The following CELA1 variants were observed in gnomAD, a reference collection of about 807,000 sequenced individuals.
CELA1 encodes the protein chymotrypsin-like elastase family member 1.
Under a neutral mutation model 34.8 loss-of-function variants are expected in CELA1, and 28 were observed. The observed-to-expected ratio is 0.80, with a 90% CI of 0.60 to 1.10. The LOEUF (loss-of-function observed/expected upper bound fraction) is 1.10, where lower values mean the gene tolerates loss of function less well. CELA1 is among the 50% of genes least tolerant of loss of function. CELA1 has a pLI of 0.00. For missense variants in CELA1, 288 were observed against 327.5 expected (o/e 0.88, Z 0.93); for synonymous variants, 140 against 129.8 (o/e 1.08, Z -0.53).
intron 6 of CELA1, among the ~76,000 whole-genome samples, chr12:51,335,783 C>T (rs145273415): frequency 6.6e-6 from 1 of 152,110 alleles, no homozygotes; most frequent in East Asian, 1.9e-4. Flanking sequence ...GTTACAGGTG[C>T]ACGCCACCAC....
intron 6 of CELA1, among the ~76,000 whole-genome samples, chr12:51,336,345 T>A (rs1364075034): frequency 6.6e-6 from 1 of 152,180 alleles, no homozygotes; most frequent in Non-Finnish European, 1.5e-5. Flanking sequence ...GGCCCCACTT[T>A]TTCTATCTAA....
intron 6 of CELA1, among the ~76,000 whole-genome samples, 183 bp from the exon 7 acceptor site, chr12:51,330,016 C>T (rs944814460): frequency 6.6e-6 from 1 of 152,086 alleles, no homozygotes; most frequent in African/African-American, 2.4e-5. Context: ...AACCACAATA[C>T]TTCTTCTCTT....
At chr12:51,332,850 C>T (rs1946478092) in intron 6 of CELA1, among the ~76,000 whole-genome samples, 1 of 152,080 alleles carries the variant, frequency 6.6e-6, no homozygotes, top group Non-Finnish European at 1.5e-5. Context: ...CAGAGCAAGA[C>T]TCTGTCTCAA....
chr12:51,345,834 G>T lies in CELA1; in HGVS notation c.60C>A (p.Val20=). The T allele has an allele frequency of 1.9e-6, 3 of 1,559,568 alleles. No homozygotes were observed. The highest frequency in any genetic ancestry group is 1.4e-5 in the African/African-American group (1 of 73,656). Residue 20 remains valine, a synonymous_variant, in exon 2 of 8, where the codon GTC becomes GTA. Transcript: ENST00000293636. ...AATTCCTCCCGGCCTCAGTCCCTCC[G>T]ACTACGCGGGCATTGGTTTCCGGAA... ...QDLPETNARV[V]GGTEAGRNSW... is the part of the protein sequence containing the mutation.
intron 6 of CELA1, among the ~76,000 whole-genome samples, chr12:51,333,838 T>C (rs545051586): frequency 6.6e-6 from 1 of 152,358 alleles, no homozygotes; most frequent in East Asian, 1.9e-4. Context: ...TTTCAGGGGC[T>C]AGAGGAATGA....
chr12:51,333,489 G>A (rs1432552880), intron 6 of CELA1, among the ~76,000 whole-genome samples: 1 of 151,670 alleles, frequency 6.6e-6, no homozygotes, highest in Non-Finnish European at 1.5e-5. Flanking sequence ...AATCTCCTGG[G>A]CTCAAGCAGT....
intron 5 of CELA1, 85 bp downstream of exon 5, chr12:51,341,159 C>G (rs1038021126): frequency 7.5e-6 from 11 of 1,473,196 alleles, no homozygotes; most frequent in Non-Finnish European, 9.5e-6. Flanking sequence ...CCATAAGCAC[C>G]TAGGACCACA....
At chr12:51,334,857 T>C (rs1946492391) in intron 6 of CELA1, among the ~76,000 whole-genome samples, 1 of 152,284 alleles carries the variant, frequency 6.6e-6, no homozygotes, top group East Asian at 1.9e-4. Flanking sequence ...GAAACCGTCT[T>C]TGAGTAAAAC....
intron 6 of CELA1, among the ~76,000 whole-genome samples, chr12:51,338,298 G>T (rs56081886): frequency 4.9e-4 from 15 of 30,750 alleles, no homozygotes; most frequent in South Asian, 2.2e-3. Context: ...ATACACATAC[G>T]CATACATATA....
At chr12:51,336,522 G>A (rs1240037024) in intron 6 of CELA1, among the ~76,000 whole-genome samples, 2 of 152,194 alleles carry the variant, frequency 1.3e-5, no homozygotes, top group African/African-American at 2.4e-5. Flanking sequence ...GGCTACTTAG[G>A]AACCTGAGGT....
intron 4 of CELA1, among the ~76,000 whole-genome samples, chr12:51,342,244 A>G (rs1592298667): frequency 6.6e-6 from 1 of 152,010 alleles, no homozygotes; most frequent in Admixed American, 6.5e-5. Context: ...CATATTGGTC[A>G]GGCTGGTCTC....
intron 5 of CELA1, 151 bp from the exon 6 acceptor site, chr12:51,340,156 CTT>C: frequency 1.5e-6 from 1 of 688,742 alleles, no homozygotes. Flanking sequence ...GATCCTCTGT[CTT>C]CTCTCTTTAT....
chr12:51,330,862 C>G (rs911015323), intron 6 of CELA1, among the ~76,000 whole-genome samples: 1 of 147,014 alleles, frequency 6.8e-6, no homozygotes, highest in Non-Finnish European at 1.5e-5. Context: ...CCCAGCTACT[C>G]GGGAGGCTGA....
At chr12:51,329,546 G>A (rs17860365) in intron 7 of CELA1, 138 bp downstream of exon 7, 26 of 889,558 alleles carry the variant, frequency 2.9e-5, no homozygotes, top group African/African-American at 5.1e-5. Flanking sequence ...ACCGTGGAAG[G>A]AAGGGAAGGG....
At chr12:51,340,673 G>C (rs1433852942) in intron 5 of CELA1, among the ~76,000 whole-genome samples, 1 of 152,014 alleles carries the variant, frequency 6.6e-6, no homozygotes, top group Non-Finnish European at 1.5e-5. Flanking sequence ...CTCAGCTAAG[G>C]ATCCTTAATT....
chr12:51,345,393 CGT>C lies in CELA1; in HGVS notation c.99+400_99+401del, dbSNP rs149535487. ...ATAGCCAACTAAGCAGCATGCTGTA[CGT>C]GTGTGTGTGTGTGTGTGCGCGCACA... On this transcript the variant is annotated intron_variant, in intron 2 of 7. Transcript: ENST00000293636. Among the ~76,000 whole-genome samples, 1,010 of 150,474 alleles carry C rather than the reference CGT, an allele frequency of 6.7e-3. 10 individuals carry two copies. Among genetic ancestry groups the C allele is most frequent in the African/African-American group, 0.022 (908 of 41,212 alleles).
intron 3 of CELA1, 50 bp downstream of exon 3, chr12:51,343,703 G>T: frequency 8.9e-7 from 1 of 1,119,614 alleles, no homozygotes; most frequent in Non-Finnish European, 1.4e-6. Context: ...CAGAAGGTCA[G>T]CCCCTTCCCC....
chr12:51,345,684 C>A, intron 2 of CELA1, 111 bp downstream of exon 2: 1 of 837,424 alleles, frequency 1.2e-6, no homozygotes, highest in Non-Finnish European at 2.0e-6. Context: ...AGAACCTAGA[C>A]AATTGGAGAG....
chr12:51,346,553 T>C lies in CELA1; in HGVS notation c.16+70A>G. ...ACCTTCCTGCCCAAGTCCCCCTCCC[T>C]ATAGACCTCAGGCCACATGATCCAC... On this transcript the variant is annotated intron_variant, in intron 1 of 7. Coordinates refer to ENST00000293636, the MANE Select transcript of CELA1 (RefSeq NM_001971.6). 4 of 1,451,066 alleles carry C rather than the reference T, an allele frequency of 2.8e-6. No individual in the cohort carries two copies. The South Asian group carries it at 4.7e-5, about 17-fold the overall frequency. The allele number at this position is 1,451,066 out of a possible 1,614,324, so 89.9% of individuals were successfully genotyped here.
Sources: gnomAD v4.1 joint callset for allele counts (sites outside exome capture counted in the v4.1 genomes callset) on GRCh38, gnomAD v4.1.1 for gene constraint, MANE v1.5 for transcripts, NCBI Gene and HGNC (gene_info 2026-07-23, HGNC 2026-07-21) for gene names.